Variants in KIF25 observed in about 807,000 individuals in gnomAD.
KIF25 encodes the protein kinesin-like protein KIF25.
KIF25 carries 19 observed loss-of-function variants against 32.9 expected under a neutral mutation model. That is an observed-to-expected ratio of 0.58 (90% CI 0.40 to 0.85). The LOEUF (loss-of-function observed/expected upper bound fraction) is 0.85. Ranked by LOEUF, KIF25 falls within the 40% of genes least tolerant of loss-of-function variation. The pLI is 0.00. For missense variants in KIF25, 485 were observed against 507.0 expected (o/e 0.96, Z 0.42); for synonymous variants, 225 against 213.7 (o/e 1.05, Z -0.46).
rs376763659 is a variant in KIF25, at chr6:168,033,948, C to T, written c.234C>T (p.Arg78=). The T allele has an allele frequency of 1.9e-6, 3 of 1,614,150 alleles. No homozygotes were observed. The highest frequency in any genetic ancestry group is 2.5e-6 in the Non-Finnish European group (3 of 1,180,028). The change falls in exon 8 of 13, where the codon CGC becomes CGT. Residue 78 remains arginine, a synonymous_variant. Coordinates refer to ENST00000643607, the MANE Select transcript of KIF25 (RefSeq NM_030615.4). ...GSGKSYTMLG[R]HSDDGPVLPL... is the part of the protein sequence containing the mutation. ...GAAAGAGCTATACCATGCTGGGACG[C>T]CATTCGGACGACGGCCCTGTTCTGC...
At chr6:168,026,404 C>A (rs1018947875) in intron 5 of KIF25, among the ~76,000 whole-genome samples, 12 of 152,150 alleles carry the variant, frequency 7.9e-5, no homozygotes, top group Non-Finnish European at 1.2e-4. Context: ...TTAGGGGAGA[C>A]TTTAAATATA....
intron 4 of KIF25, among the ~76,000 whole-genome samples, chr6:168,004,727 C>T (rs1231766901): frequency 4.0e-5 from 6 of 151,710 alleles, no homozygotes; most frequent in African/African-American, 1.5e-4. Flanking sequence ...CCTGAGTGGA[C>T]GCTGCTCAGG....
intron 10 of KIF25, among the ~76,000 whole-genome samples, chr6:168,041,137 G>A (rs766494240): frequency 7.0e-4 from 106 of 152,374 alleles, no homozygotes; most frequent in Non-Finnish European, 1.1e-3. Flanking sequence ...GGTCTCAGTG[G>A]GTTGACACTG....
At chr6:168,000,632 T>G (rs1396688702) in intron 2 of KIF25, among the ~76,000 whole-genome samples, 2 of 126,214 alleles carry the variant, frequency 1.6e-5, no homozygotes, top group Non-Finnish European at 3.4e-5. Context: ...CCCTCCCCAC[T>G]CCCATCCTGA....
intron 4 of KIF25, among the ~76,000 whole-genome samples, chr6:168,011,169 T>G (rs914729241): frequency 2.0e-5 from 3 of 152,190 alleles, no homozygotes; most frequent in Non-Finnish European, 1.5e-5. Flanking sequence ...GCTTTTTGAT[T>G]GTTTTGTCTA....
At chr6:168,007,049 T>G (rs183357815) in intron 4 of KIF25, among the ~76,000 whole-genome samples, 63 of 152,352 alleles carry the variant, frequency 4.1e-4, no homozygotes, top group African/African-American at 1.5e-3. Context: ...ACATTCGACA[T>G]CTACAACATG....
At chr6:168,018,377 G>A (rs1262715526) in intron 5 of KIF25, among the ~76,000 whole-genome samples, 3 of 152,064 alleles carry the variant, frequency 2.0e-5, no homozygotes, top group African/African-American at 4.8e-5. Context: ...TGTGTTCTGG[G>A]CACACTTAAG....
intron 5 of KIF25, among the ~76,000 whole-genome samples, chr6:168,022,462 A>C (rs1177199012): frequency 6.6e-6 from 1 of 152,108 alleles, no homozygotes; most frequent in East Asian, 1.9e-4. Context: ...CTCTCACTCT[A>C]TCACCCAGGC....
intron 8 of KIF25, among the ~76,000 whole-genome samples, chr6:168,034,687 C>A (rs562045400): frequency 1.6e-4 from 24 of 152,290 alleles, no homozygotes; most frequent in African/African-American, 5.8e-4. Context: ...TCCCGTCCTT[C>A]CGTCGCCCTT....
chr6:168,021,171 A>C (rs1798782549), intron 5 of KIF25, among the ~76,000 whole-genome samples: 1 of 152,248 alleles, frequency 6.6e-6, no homozygotes, highest in Non-Finnish European at 1.5e-5. Flanking sequence ...ACACAGATGC[A>C]GGCAGCTGAC....
At chr6:168,036,353 T>A (rs1349146397) in intron 8 of KIF25, among the ~76,000 whole-genome samples, 1 of 152,146 alleles carries the variant, frequency 6.6e-6, no homozygotes, top group East Asian at 1.9e-4. Context: ...AACGGGTAAT[T>A]ATGACCCAGT....
rs764794515 is a variant in KIF25 at position 168,033,938 on chromosome 6, T to C, written c.224T>C (p.Met75Thr). ...GQTGSGKSYT[M>T]LGRHSDDGPV... Reference sequence around the variant, plus strand: ...ACGGGCAGCGGAAAGAGCTATACCATGCTGGGACGCCATTCGGACGACGGC... The same window carrying C: ...ACGGGCAGCGGAAAGAGCTATACCACGCTGGGACGCCATTCGGACGACGGC... The change falls in exon 8 of 13, where the codon ATG (methionine) becomes ACG (threonine). Residue 75 changes from methionine (M) to threonine (T), a missense_variant. Met to Thr is a moderately conservative substitution (Grantham distance 81, BLOSUM62 -1). Coordinates refer to ENST00000643607, the MANE Select transcript of KIF25 (RefSeq NM_030615.4). 9 of 1,614,180 alleles carry C rather than the reference T, an allele frequency of 5.6e-6. No homozygotes were observed. The highest frequency in any genetic ancestry group is 1.6e-4 in the Middle Eastern group (1 of 6,062).
At chr6:168,027,281 C>T (rs535669724) in intron 5 of KIF25, among the ~76,000 whole-genome samples, 46 of 152,002 alleles carry the variant, frequency 3.0e-4, no homozygotes, top group African/African-American at 1.0e-3. Context: ...GGTGAAATCC[C>T]GTCTCCACTA....
Position 168,037,538 on chromosome 6 carries a change from G to A in KIF25, c.318-1015G>A, listed in dbSNP as rs150983050. Among the ~76,000 whole-genome samples the A allele has an allele frequency of 9.0e-3, 1,372 of 152,262 alleles. 30 individuals are homozygous for A. Among genetic ancestry groups the A allele is most frequent in the Admixed American group, 0.041 (632 of 15,280 alleles). On this transcript the variant is annotated intron_variant, in intron 8 of 12. Coordinates refer to ENST00000643607, the MANE Select transcript of KIF25 (RefSeq NM_030615.4). ...TTGTTATTTGGTGACGAGGTTGGAA[G>A]GGGAGTTTTGTCAGAGACAAACCAG...
chr6:168,027,664 G>A (rs1798881916), intron 5 of KIF25, among the ~76,000 whole-genome samples: 1 of 152,128 alleles, frequency 6.6e-6, no homozygotes, highest in Admixed American at 6.5e-5. Context: ...CACCGGGACC[G>A]CCCCTCCTCC....
intron 5 of KIF25, among the ~76,000 whole-genome samples, chr6:168,026,128 C>T (rs1798857421): frequency 6.6e-6 from 1 of 152,190 alleles, no homozygotes; most frequent in African/African-American, 2.4e-5. Context: ...AGGTCTCAGT[C>T]TTTGGGTTAC....
chr6:168,005,103 A>G (rs2516809), intron 4 of KIF25, among the ~76,000 whole-genome samples: 51,617 of 152,038 alleles, frequency 0.34, 8,997 homozygotes, highest in African/African-American at 0.39. Flanking sequence ...CACCTGTCAC[A>G]GGCGAGCTTG....
chr6:168,037,220 G>C (rs1259946247), intron 8 of KIF25, among the ~76,000 whole-genome samples: 2 of 152,126 alleles, frequency 1.3e-5, no homozygotes, highest in Admixed American at 1.3e-4. Context: ...TTTTACCTGA[G>C]AGTTTTACTT....
chr6:168,010,438 T>C (rs73040830), intron 4 of KIF25, among the ~76,000 whole-genome samples: 2,891 of 152,236 alleles, frequency 0.019, 27 homozygotes, highest in Non-Finnish European at 0.029. Context: ...TATTTTCAAA[T>C]GTTCCTCTTG....
Sources: gnomAD v4.1 joint callset for allele counts (sites outside exome capture counted in the v4.1 genomes callset) on GRCh38, gnomAD v4.1.1 for gene constraint, MANE v1.5 for transcripts, NCBI Gene and HGNC (gene_info 2026-07-23, HGNC 2026-07-21) for gene names.